The following KCNB2 variants were observed in gnomAD, a reference collection of about 807,000 sequenced individuals.
KCNB2 encodes the protein delayed rectifier potassium channel protein.
In KCNB2, 15 loss-of-function variants were observed where a neutral mutation model predicts 61.5. That is an observed-to-expected ratio of 0.24 (90% CI 0.16 to 0.38). The LOEUF (loss-of-function observed/expected upper bound fraction) is 0.38, where lower values mean the gene tolerates loss of function less well. Among genes scored for constraint, KCNB2 ranks in the 10% least tolerant of loss-of-function variants. KCNB2 has a pLI of 1.00. For synonymous variants in KCNB2, 457 were observed against 446.0 expected, an observed-to-expected ratio of 1.02 and a Z score of -0.31; for missense variants, 828 against 1,125.2, an observed-to-expected ratio of 0.74 and a Z score of 3.78.
intron 2 of KCNB2, among the ~76,000 whole-genome samples, chr8:72,725,417 C>A (rs1392894049): frequency 1.3e-5 from 2 of 150,876 alleles, no homozygotes; most frequent in South Asian, 2.1e-4. Flanking sequence ...ACTGAACTAA[C>A]ACTTAGGGAA....
At chr8:72,626,896 TAAGAAA>T in intron 2 of KCNB2, among the ~76,000 whole-genome samples, 1 of 152,216 alleles carries the variant, frequency 6.6e-6, no homozygotes, top group African/African-American at 2.4e-5. Flanking sequence ...GTAATTAGTT[TAAGAAA>T]GAGGCAAGAT....
chr8:72,569,588 GT>G (rs972908516), intron 2 of KCNB2, among the ~76,000 whole-genome samples: 2 of 151,804 alleles, frequency 1.3e-5, no homozygotes, highest in African/African-American at 2.4e-5. Flanking sequence ...AAGACTTTAG[GT>G]TTTTTTGTAG....
Position 72,936,342 on chromosome 8 carries a change from G to T in KCNB2, c.987G>T (p.Arg329Ser). 1 of 1,614,244 alleles carries T rather than the reference G, an allele frequency of 6.2e-7. No individual in the cohort carries two copies. Among genetic ancestry groups the T allele is most frequent in the Non-Finnish European group, 8.5e-7 (1 of 1,180,036 alleles). ...TGCAGTCTCTGGGTTTCACCCTTAG[G>T]CGGAGTTACAATGAATTGGGCTTGT... ...TGLQSLGFTL[R>S]RSYNELGLLI... is the part of the protein sequence containing the mutation. The change falls in exon 3 of 3, where the codon AGG becomes AGT. Residue 329 changes from arginine (R) to serine (S), a missense_variant. By Grantham distance (110) the Arg-to-Ser change is moderately radical. Around this residue, in one of 4 missense-constraint regions of KCNB2, gnomAD observed 44 missense variants for 167.6 expected, o/e 0.26. Coordinates refer to ENST00000523207, the MANE Select transcript of KCNB2 (RefSeq NM_004770.3). This position sits in a 1 kb window ranked among gnomAD's most constrained non-coding sequence, Gnocchi z 5.6.
At chr8:72,917,183 G>A (rs187889023) in intron 2 of KCNB2, among the ~76,000 whole-genome samples, 5 of 152,166 alleles carry the variant, frequency 3.3e-5, no homozygotes, top group East Asian at 3.9e-4. Flanking sequence ...AGGCTTTTTC[G>A]ATGAGTACTA....
chr8:72,663,726 T>G (rs186909890), intron 2 of KCNB2, among the ~76,000 whole-genome samples: 1 of 152,292 alleles, frequency 6.6e-6, no homozygotes, highest in East Asian at 1.9e-4. Flanking sequence ...GTGCAGATAT[T>G]TATGTGAGAT....
At chr8:72,546,825 A>G (rs565983431) in intron 1 of KCNB2, among the ~76,000 whole-genome samples, 1 of 152,222 alleles carries the variant, frequency 6.6e-6, no homozygotes, top group Admixed American at 6.5e-5. Flanking sequence ...TTCTTTAATT[A>G]AAAAAAGACA....
rs1055472017 is a variant in KCNB2 at position 72,937,820 on chromosome 8, G to A, written c.2465G>A (p.Arg822Lys). 1.9e-6 allele frequency: 3 copies of A among 1,613,942 alleles called. No individual in the cohort carries two copies. In the African/African-American group the frequency reaches 4.0e-5, roughly 22 times the overall value. Residue 822 changes from arginine (R) to lysine (K), a missense_variant, in exon 3 of 3, where the codon AGG becomes AAG. Physicochemically the swap from Arg to Lys is conservative, Grantham distance 26. This residue lies in a region of KCNB2 where 559 missense variants were observed against 588.4 expected (regional missense o/e 0.95). Coordinates refer to ENST00000523207, the MANE Select transcript of KCNB2 (RefSeq NM_004770.3). The stretch of plus-strand genomic sequence containing the variant: ...GACTTCTTAGAGCTCCCAGGGGCAA[G>A]GGAGGAGAAGCAGGTGGACTCCAGC... ...DEDFLELPGA[R>K]EEKQVDSSPN... is the part of the protein sequence containing the mutation.
At chr8:72,754,421 A>T (rs1459232821) in intron 2 of KCNB2, among the ~76,000 whole-genome samples, 1 of 152,142 alleles carries the variant, frequency 6.6e-6, no homozygotes, top group East Asian at 1.9e-4. Flanking sequence ...CAGCAGCCAC[A>T]ACAGGAGTCT....
At chr8:72,601,620 A>G (rs949022642) in intron 2 of KCNB2, among the ~76,000 whole-genome samples, 6 of 152,220 alleles carry the variant, frequency 3.9e-5, no homozygotes, top group Non-Finnish European at 8.8e-5. Context: ...TTACAACTTG[A>G]TTGATGACTG....
chr8:72,675,664 C>A (rs1268917791), intron 2 of KCNB2, among the ~76,000 whole-genome samples: 2 of 152,060 alleles, frequency 1.3e-5, no homozygotes, highest in Admixed American at 6.5e-5. Context: ...AGCGATTCTT[C>A]TGCCTCAGCC....
chr8:72,697,258 A>G (rs918735598), intron 2 of KCNB2, among the ~76,000 whole-genome samples: 2 of 152,182 alleles, frequency 1.3e-5, no homozygotes, highest in South Asian at 4.1e-4. Context: ...AGATTGAGAT[A>G]ATACTTGTAA....
At chr8:72,737,363 C>G (rs1489936128) in intron 2 of KCNB2, among the ~76,000 whole-genome samples, 1 of 152,130 alleles carries the variant, frequency 6.6e-6, no homozygotes, top group East Asian at 1.9e-4. Flanking sequence ...ATAGCCTGTT[C>G]TGATTAAAAT....
rs149772136 is a variant in KCNB2, at chr8:72,850,797, A to G, written c.580-85138A>G. Among the ~76,000 whole-genome samples the G allele has an allele frequency of 7.6e-3, 1,164 of 152,228 alleles. 14 individuals carry two copies. The highest frequency in any genetic ancestry group is 0.026 in the African/African-American group (1,098 of 41,534). ...TAAATTGGATAGGCTAATTATTCTA[A>G]CCTCTTGCCATTTATATGTGTGCAT... On this transcript the variant is annotated intron_variant, in intron 2 of 2. Coordinates refer to ENST00000523207, the MANE Select transcript of KCNB2 (RefSeq NM_004770.3).
At chr8:72,566,772 C>T (rs963279592) in intron 1 of KCNB2, among the ~76,000 whole-genome samples, 10 of 151,548 alleles carry the variant, frequency 6.6e-5, no homozygotes, top group African/African-American at 1.2e-4. Context: ...GCTGAGAGTT[C>T]GAACCAGCAT....
At chr8:72,809,959 A>G (rs1296899445) in intron 2 of KCNB2, among the ~76,000 whole-genome samples, 1 of 152,144 alleles carries the variant, frequency 6.6e-6, no homozygotes, top group African/African-American at 2.4e-5. Context: ...TCACACTTCT[A>G]CATACTGTCA....
intron 2 of KCNB2, among the ~76,000 whole-genome samples, chr8:72,635,776 G>A (rs1212912275): frequency 2.0e-5 from 3 of 152,188 alleles, no homozygotes; most frequent in African/African-American, 4.8e-5. Context: ...AATTCAAAGT[G>A]TAAGAACTCC....
intron 2 of KCNB2, among the ~76,000 whole-genome samples, chr8:72,719,894 AG>A (rs1807519643): frequency 6.6e-6 from 1 of 152,218 alleles, no homozygotes; most frequent in African/African-American, 2.4e-5. Flanking sequence ...AACAGGAAAA[AG>A]AAGATGGTTA....
chr8:72,744,841 C>T (rs181146220), intron 2 of KCNB2, among the ~76,000 whole-genome samples: 1 of 152,278 alleles, frequency 6.6e-6, no homozygotes, highest in Non-Finnish European at 1.5e-5. Flanking sequence ...CAAGAAAAAG[C>T]CATAGGGGTA....
intron 1 of KCNB2, among the ~76,000 whole-genome samples, chr8:72,561,778 G>GTAC (rs1563523646): frequency 2.9e-5 from 1 of 34,338 alleles, no homozygotes; most frequent in Non-Finnish European, 5.8e-5. Context: ...TATATATATG[G>GTAC]ATATATATAT....
Sources: allele counts gnomAD v4.1 joint callset (sites outside exome capture counted in the v4.1 genomes callset), GRCh38; gene constraint gnomAD v4.1.1; regional missense constraint gnomAD v4.1.1; non-coding constraint Gnocchi (gnomAD v3.1); transcripts MANE v1.5; gene names NCBI Gene and HGNC (gene_info 2026-07-23, HGNC 2026-07-21).